XKR4: variants seen among roughly 807,000 people sequenced by gnomAD.
The protein encoded by XKR4 is XK-related protein 4.
Under a neutral mutation model 53.9 loss-of-function variants are expected in XKR4, and 12 were observed. The ratio of observed to expected loss-of-function variants is 0.22; its 90% CI spans 0.14 to 0.36. The LOEUF is 0.36. Ranked by LOEUF, XKR4 falls within the 10% of genes least tolerant of loss-of-function variation. XKR4 has a pLI of 1.00. For missense variants in XKR4, 799 were observed against 859.5 expected (o/e 0.93, Z 0.88); for synonymous variants, 354 against 362.4 (o/e 0.98, Z 0.26).
chr8:55,241,489 T>C (rs1032986798), intron 1 of XKR4, among the ~76,000 whole-genome samples: 13 of 152,168 alleles, frequency 8.5e-5, no homozygotes, highest in African/African-American at 3.1e-4. Flanking sequence ...CCCTGGGGTA[T>C]TGGCCTAGGG....
intron 1 of XKR4, among the ~76,000 whole-genome samples, chr8:55,173,058 A>G (rs537707352): frequency 1.4e-4 from 21 of 152,312 alleles, no homozygotes; most frequent in African/African-American, 4.8e-4. Context: ...GTGTTATAGG[A>G]AATGCTCACT....
chr8:55,345,066 G>A (rs1197350445), intron 1 of XKR4, among the ~76,000 whole-genome samples: 3 of 152,190 alleles, frequency 2.0e-5, no homozygotes, highest in Admixed American at 2.0e-4. Flanking sequence ...TGGATCACTT[G>A]AGGTCAGGAG....
chr8:55,349,579 C>T (rs1241985419), intron 1 of XKR4, among the ~76,000 whole-genome samples: 1 of 152,048 alleles, frequency 6.6e-6, no homozygotes, highest in Non-Finnish European at 1.5e-5. Flanking sequence ...TTAAATAAGC[C>T]AAATTTGAGG....
At chr8:55,451,654 T>G in intron 2 of XKR4, 1 of 1,556,868 alleles carries the variant, frequency 6.4e-7, no homozygotes, top group Non-Finnish European at 8.8e-7. Context: ...GGCGTTGTCC[T>G]GGACACTCTG....
At chr8:55,213,868 T>C (rs1413700137) in intron 1 of XKR4, among the ~76,000 whole-genome samples, 53 of 135,374 alleles carry the variant, frequency 3.9e-4, no homozygotes, top group Non-Finnish European at 6.5e-4. Flanking sequence ...TTTTTTTTTT[T>C]TTTTTTTTTT....
intron 1 of XKR4, among the ~76,000 whole-genome samples, chr8:55,305,109 G>T (rs938176851): frequency 1.3e-5 from 2 of 152,142 alleles, no homozygotes; most frequent in Non-Finnish European, 2.9e-5. Flanking sequence ...GAAAGGTCTA[G>T]AACCCACTGT....
chr8:55,473,514 T>G (rs932203336), intron 2 of XKR4, among the ~76,000 whole-genome samples: 4 of 152,176 alleles, frequency 2.6e-5, no homozygotes, highest in African/African-American at 9.7e-5. Context: ...ATAATTGGTA[T>G]AGCTGAGCTT....
chr8:55,439,063 T>C (rs1428287648), intron 2 of XKR4, among the ~76,000 whole-genome samples: 1 of 152,224 alleles, frequency 6.6e-6, no homozygotes, highest in Non-Finnish European at 1.5e-5. Context: ...CAGCCTAGAC[T>C]CTGAGTACAG....
intron 2 of XKR4, among the ~76,000 whole-genome samples, chr8:55,472,979 A>G (rs917576259): frequency 6.6e-6 from 1 of 152,092 alleles, no homozygotes; most frequent in African/African-American, 2.4e-5. Flanking sequence ...TAAAGGGGCT[A>G]GCATACTATG....
intron 2 of XKR4, among the ~76,000 whole-genome samples, chr8:55,501,657 TTTCTA>T (rs1806439161): frequency 6.7e-6 from 1 of 149,792 alleles, no homozygotes; most frequent in Admixed American, 6.8e-5. Flanking sequence ...ACTGAATAAT[TTTCTA>T]TTGTGTATGT....
chr8:55,457,309 A>AT (rs1805585955), intron 2 of XKR4, among the ~76,000 whole-genome samples: 2 of 151,898 alleles, frequency 1.3e-5, no homozygotes, highest in Admixed American at 6.6e-5. Context: ...CGCCCAGCTA[A>AT]TTTTTTGTAT....
chr8:55,196,175 CTTTTTTT>C (rs1032613430), intron 1 of XKR4, among the ~76,000 whole-genome samples: 1 of 125,946 alleles, frequency 7.9e-6, no homozygotes, highest in African/African-American at 3.0e-5. Flanking sequence ...GTTGTGCTTC[CTTTTTTT>C]TTTTTTTTTT....
At chr8:55,256,932 C>G (rs1563494722) in intron 1 of XKR4, among the ~76,000 whole-genome samples, 1 of 152,146 alleles carries the variant, frequency 6.6e-6, no homozygotes, top group Non-Finnish European at 1.5e-5. Flanking sequence ...AATCAAGGGT[C>G]CAGCAGATGT....
At chr8:55,267,208 G>A (rs1429407729) in intron 1 of XKR4, among the ~76,000 whole-genome samples, 1 of 151,634 alleles carries the variant, frequency 6.6e-6, no homozygotes, top group Non-Finnish European at 1.5e-5. Context: ...ATATAATAAG[G>A]AATATCCAAA....
intron 1 of XKR4, among the ~76,000 whole-genome samples, chr8:55,234,239 G>C (rs1818088813): frequency 6.6e-6 from 1 of 152,000 alleles, no homozygotes; most frequent in Non-Finnish European, 1.5e-5. Flanking sequence ...CTATAGATTT[G>C]GATATTCTCC....
At chr8:55,359,244 G>A (rs1038611109) in intron 2 of XKR4, among the ~76,000 whole-genome samples, 26 of 152,198 alleles carry the variant, frequency 1.7e-4, no homozygotes, top group African/African-American at 6.3e-4. Flanking sequence ...TGAAGACCAT[G>A]AGCTGGGCAT....
At chr8:55,280,969 G>T (rs1312334824) in intron 1 of XKR4, among the ~76,000 whole-genome samples, 3 of 152,170 alleles carry the variant, frequency 2.0e-5, no homozygotes, top group Non-Finnish European at 4.4e-5. Flanking sequence ...TTCTGTATCT[G>T]AACTAACAGT....
chr8:55,506,640 C>A (rs935375977), intron 2 of XKR4, among the ~76,000 whole-genome samples: 3 of 152,192 alleles, frequency 2.0e-5, no homozygotes, highest in African/African-American at 7.2e-5. Context: ...TTCCCCTTTC[C>A]CTAACTAATA....
intron 1 of XKR4, among the ~76,000 whole-genome samples, chr8:55,334,117 A>C (rs1803419314): frequency 6.6e-6 from 1 of 152,186 alleles, no homozygotes; most frequent in Non-Finnish European, 1.5e-5. Context: ...AGACCTACTA[A>C]TTAAACAAAC....
Sources: gnomAD v4.1 joint callset for allele counts (sites outside exome capture counted in the v4.1 genomes callset) on GRCh38, gnomAD v4.1.1 for gene constraint, MANE v1.5 for transcripts, NCBI Gene and HGNC (gene_info 2026-07-23, HGNC 2026-07-21) for gene names.